Variants in RASGEF1C observed in about 807,000 individuals in gnomAD.
RASGEF1C encodes the protein ras-GEF domain-containing family member 1C.
Under a neutral mutation model 58.1 loss-of-function variants are expected in RASGEF1C, and 27 were observed. The observed-to-expected ratio is 0.46, with a 90% confidence interval of 0.34 to 0.64. The LOEUF (loss-of-function observed/expected upper bound fraction) is 0.64. Among genes scored for constraint, RASGEF1C ranks in the 30% least tolerant of loss-of-function variants. The probability of loss-of-function intolerance (pLI) is 0.01; values close to 1 mark genes in which losing one functional copy is unlikely to be tolerated. For synonymous variants in RASGEF1C, 243 were observed against 246.3 expected (o/e 0.99, Z 0.13); for missense variants, 502 against 605.1 (o/e 0.83, Z 1.79).
At chr5:180,157,592 A>T (rs1429385559) in intron 1 of RASGEF1C, among the ~76,000 whole-genome samples, 1 of 150,426 alleles carries the variant, frequency 6.6e-6, no homozygotes, top group Non-Finnish European at 1.5e-5. Flanking sequence ...GCGCCATTGC[A>T]CTCCAGTCTC....
chr5:180,204,957 A>G (rs1486628596), intron 1 of RASGEF1C, among the ~76,000 whole-genome samples: 1 of 152,220 alleles, frequency 6.6e-6, no homozygotes, highest in East Asian at 1.9e-4. Context: ...TGGGAGGCTG[A>G]GATGGCAGAT....
chr5:180,185,510 G>A lies in RASGEF1C; in HGVS notation c.-7+23518C>T, dbSNP rs112652997. On this transcript the variant is annotated intron_variant, in intron 1 of 13. Transcript: ENST00000361132. The stretch of plus-strand genomic sequence containing the variant: ...TGAGGTAGGAGAATCACCTTTACCC[G>A]GGAGGTGGAGGTTGCAATGAGCCAA... Among the ~76,000 whole-genome samples the A allele has an allele frequency of 6.0e-3, 920 of 152,152 alleles. 5 individuals carry two copies. Among genetic ancestry groups the A allele is most frequent in the Middle Eastern group, 0.01 (3 of 294 alleles).
At chr5:180,106,314 C>T (rs574585890) in intron 12 of RASGEF1C, among the ~76,000 whole-genome samples, 1 of 152,138 alleles carries the variant, frequency 6.6e-6, no homozygotes, top group Non-Finnish European at 1.5e-5. Context: ...TTATTTCCAT[C>T]CTGCTGCTGG....
Position 180,118,601 on chromosome 5 carries a change from C to G in RASGEF1C, c.1083+8G>C, listed in dbSNP as rs200460338. On this transcript the variant is annotated splice_region_variant and intron_variant, in intron 10 of 13. Transcript: ENST00000361132. ...CAGCCCCCCTGGGCCAACGTGGCCC[C>G]GACCTACCTTCTCTCGGCTGCTGTG... The G allele has an allele frequency of 1.9e-6, 3 of 1,601,618 alleles. No homozygotes were observed. Among genetic ancestry groups the G allele is most frequent in the Non-Finnish European group, 2.6e-6 (3 of 1,173,876 alleles).
intron 11 of RASGEF1C, among the ~76,000 whole-genome samples, chr5:180,111,851 G>A (rs1765964500): frequency 1.3e-5 from 2 of 152,188 alleles, no homozygotes; most frequent in African/African-American, 4.8e-5. Flanking sequence ...ATGTAATTAT[G>A]CAAATATATT....
At chr5:180,115,127 G>A in intron 10 of RASGEF1C, 2 of 294,512 alleles carry the variant, frequency 6.8e-6, no homozygotes, top group South Asian at 3.0e-5. Context: ...TGATTCTCCT[G>A]CTTCAGCCTC....
chr5:180,124,052 A>G (rs1766216771), intron 6 of RASGEF1C, among the ~76,000 whole-genome samples: 1 of 152,114 alleles, frequency 6.6e-6, no homozygotes, highest in Non-Finnish European at 1.5e-5. Context: ...ACAAGAATAA[A>G]CAACGAAACA....
intron 1 of RASGEF1C, among the ~76,000 whole-genome samples, chr5:180,152,381 C>A: frequency 6.6e-6 from 1 of 151,978 alleles, no homozygotes; most frequent in Non-Finnish European, 1.5e-5. Context: ...TACTATGCAG[C>A]CATAACAAAT....
At chr5:180,141,719 CTT>C (rs55986031) in intron 1 of RASGEF1C, among the ~76,000 whole-genome samples, 31,504 of 145,926 alleles carry the variant, frequency 0.22, 3,743 homozygotes, top group African/African-American at 0.27. Flanking sequence ...TTTTATCACA[CTT>C]TTTTTTTTTT....
At chr5:180,163,254 C>CTTTTTTTTTTTTTT (rs1187829324) in intron 1 of RASGEF1C, among the ~76,000 whole-genome samples, 1,936 of 70,906 alleles carry the variant, frequency 0.027, 494 homozygotes, top group Middle Eastern at 0.033. Flanking sequence ...TTTTTTTTTC[C>CTTTTTTTTTTTTTT]AGCCTATTGC....
At chr5:180,119,032 G>A (rs540940047) in intron 8 of RASGEF1C, among the ~76,000 whole-genome samples, 166 bp from the exon 9 acceptor site, 5 of 152,212 alleles carry the variant, frequency 3.3e-5, no homozygotes, top group Non-Finnish European at 5.9e-5. Context: ...GGTCAGGTAG[G>A]CCTGCTGCCA....
chr5:180,137,960 C>G lies in RASGEF1C; in HGVS notation c.93G>C (p.Gln31His), dbSNP rs1369197465. The G allele has an allele frequency of 7.5e-6, 12 of 1,607,140 alleles. No individual in the cohort carries two copies. The South Asian group carries it at 1.3e-4, about 18-fold the overall frequency. The change falls in exon 2 of 14, where the codon CAG (glutamine) becomes CAC (histidine). Residue 31 changes from glutamine to histidine, a missense_variant. Coordinates refer to ENST00000361132, the MANE Select transcript of RASGEF1C (RefSeq NM_175062.4). This position sits in a 1 kb window ranked among gnomAD's most constrained non-coding sequence, Gnocchi z 4.1. ...AGGATGGCGCTCCATCCAGGAGGGG[C>G]TGCCCAGCCTGTTCGCCATCTGTGG... ...TEPTDGEQAG[Q>H]PLLDGAPSSA...
chr5:180,193,258 T>C (rs1756201888), intron 1 of RASGEF1C, among the ~76,000 whole-genome samples: 1 of 143,994 alleles, frequency 6.9e-6, no homozygotes, highest in Non-Finnish European at 1.5e-5. Flanking sequence ...GGTTTCACTG[T>C]GTTAGCCAGG....
At chr5:180,120,166 C>T (rs906810061) in intron 7 of RASGEF1C, among the ~76,000 whole-genome samples, 3 of 152,254 alleles carry the variant, frequency 2.0e-5, no homozygotes, top group Non-Finnish European at 4.4e-5. Flanking sequence ...TTTACTGTCA[C>T]CAAGAAGTGG....
In RASGEF1C at chr5:180,137,858, G is replaced by A. The variant is rs754807328; in HGVS notation, c.177+18C>T. The A allele has an allele frequency of 1.6e-5, 26 of 1,608,968 alleles. No individual in the cohort carries two copies. In the Middle Eastern group the frequency reaches 6.9e-4, roughly 43 times the overall value. On this transcript the variant is annotated intron_variant, in intron 2 of 13. Coordinates refer to ENST00000361132, the MANE Select transcript of RASGEF1C (RefSeq NM_175062.4). This position sits in a 1 kb window ranked among gnomAD's most constrained non-coding sequence, Gnocchi z 4.1. ...TGGAGGAGAGCCCACTCTCCTGCCCGCTGGGTGGATCACCCACCTCGGGGT... is the reference window on the plus strand; with the variant it reads ...TGGAGGAGAGCCCACTCTCCTGCCCACTGGGTGGATCACCCACCTCGGGGT...
rs566767030 is a variant in RASGEF1C, at chr5:180,188,441, A to G, written c.-7+20587T>C. 3.3e-5 allele frequency among the ~76,000 whole-genome samples: 5 copies of G among 152,350 alleles called. No homozygotes were observed. The East Asian group carries it at 9.6e-4, about 29-fold the overall frequency. ...AACCTTTGCAATTTATCATTTTAAA[A>G]GACTAAAGGAAAAACCACATAATCA... On this transcript the variant is annotated intron_variant, in intron 1 of 13. Coordinates refer to ENST00000361132, the MANE Select transcript of RASGEF1C (RefSeq NM_175062.4).
chr5:180,135,046 C>CCA (rs1554112751), intron 4 of RASGEF1C, among the ~76,000 whole-genome samples: 2 of 25,700 alleles, frequency 7.8e-5, no homozygotes, highest in Non-Finnish European at 6.1e-4. Context: ...GCTGTCCCCA[C>CCA]CCCCCCCGTC....
intron 6 of RASGEF1C, among the ~76,000 whole-genome samples, chr5:180,124,707 C>T (rs1241777950): frequency 6.6e-6 from 1 of 152,008 alleles, no homozygotes; most frequent in Non-Finnish European, 1.5e-5. Context: ...ACCTGTAATC[C>T]TAGCTATTTG....
At chr5:180,190,506 AAATAATAATAAT>A (rs370402852) in intron 1 of RASGEF1C, among the ~76,000 whole-genome samples, 9 of 97,540 alleles carry the variant, frequency 9.2e-5, no homozygotes, top group Non-Finnish European at 1.2e-4. Flanking sequence ...AAAAAAAAAA[AAATAATAATAAT>A]AATAATAATA....
Sources: gnomAD v4.1 joint callset for allele counts (sites outside exome capture counted in the v4.1 genomes callset) on GRCh38, gnomAD v4.1.1 for gene constraint, Gnocchi (gnomAD v3.1) non-coding constraint, MANE v1.5 for transcripts, NCBI Gene and HGNC (gene_info 2026-07-23, HGNC 2026-07-21) for gene names.